The following PDS5B variants were observed in gnomAD, a reference collection of about 807,000 sequenced individuals.
The protein encoded by PDS5B is sister chromatid cohesion protein PDS5 homolog B.
In PDS5B, 51 loss-of-function variants were observed where a neutral mutation model predicts 184.1. The observed-to-expected ratio is 0.28, with a 90% CI of 0.22 to 0.35. The LOEUF is 0.35. Among genes scored for constraint, PDS5B ranks in the 10% least tolerant of loss-of-function variants. The pLI, the probability that PDS5B is intolerant of heterozygous loss-of-function variation, is 1.00. For missense variants in PDS5B, 1,180 were observed against 1,723.3 expected (o/e 0.68, Z 5.58); for synonymous variants, 566 against 569.2 (o/e 0.99, Z 0.08).
chr13:32,691,788 A>G (rs552815006), intron 13 of PDS5B, among the ~76,000 whole-genome samples: 4 of 152,232 alleles, frequency 2.6e-5, no homozygotes, highest in Admixed American at 2.6e-4. Flanking sequence ...ATTGTTTTCC[A>G]ACATGATTAT....
At position 32,760,683 on chromosome 13, in the gene PDS5B, A is replaced by T; in HGVS notation, c.3481A>T (p.Ser1161Cys). 1 of 1,614,124 alleles carries T rather than the reference A, an allele frequency of 6.2e-7. No homozygotes were observed. Among genetic ancestry groups the T allele is most frequent in the Non-Finnish European group, 8.5e-7 (1 of 1,179,978 alleles). ...GGAAACTGTAAGCAATGCAAGCAGC[A>T]GCTCAAATCCAAGCTCTCCTGGAAG... ...RMETVSNASSSSNPSSPGRIK... is the reference protein window; with the variant it reads ...RMETVSNASSCSNPSSPGRIK... The change falls in exon 30 of 35, where the codon AGC becomes TGC. Residue 1161 changes from serine (S) to cysteine (C), a missense_variant. Ser to Cys is a moderately radical substitution (Grantham distance 112, BLOSUM62 -1). This residue lies in a region of PDS5B where 465 missense variants were observed against 497.8 expected (regional missense o/e 0.93). Transcript: ENST00000315596.
At chr13:32,650,249 C>T (rs1049895659) in intron 2 of PDS5B, 2 of 152,162 alleles carry the variant, frequency 1.3e-5, no homozygotes, top group African/African-American at 2.4e-5. Flanking sequence ...TGCCTCAGTA[C>T]TCATATTTAA....
chr13:32,674,118 A>G (rs1951007608), intron 8 of PDS5B, among the ~76,000 whole-genome samples: 1 of 152,168 alleles, frequency 6.6e-6, no homozygotes, highest in Non-Finnish European at 1.5e-5. Context: ...TGACCGAGTG[A>G]AATTTTTTGG....
intron 19 of PDS5B, among the ~76,000 whole-genome samples, chr13:32,731,181 A>G (rs1953109452): frequency 6.6e-6 from 1 of 151,998 alleles, no homozygotes; most frequent in Non-Finnish European, 1.5e-5. Context: ...TCTTTTAATG[A>G]TACTTCACCT....
At position 32,755,904 on chromosome 13, in the gene PDS5B, G is replaced by T; in HGVS notation, c.3004G>T (p.Asp1002Tyr). 1.9e-6 allele frequency: 3 copies of T among 1,588,114 alleles called. No homozygotes were observed. The South Asian group carries it at 3.4e-5, about 18-fold the overall frequency. The change falls in exon 26 of 35, where the codon GAC (aspartate) becomes TAC (tyrosine). Residue 1002 changes from aspartate to tyrosine, a missense_variant. By Grantham distance (160) the Asp-to-Tyr change is radical. Coordinates refer to ENST00000315596, the MANE Select transcript of PDS5B (RefSeq NM_015032.4). The part of the protein sequence containing the change: ...VPYTIHLLAH[D>Y]PDYVKVQDIE... ...ATATACAATTCACCTTTTGGCACAT[G>T]ACCCAGATTATGTCAAAGTACAGGA...
At chr13:32,679,256 G>A (rs1387217671) in intron 10 of PDS5B, among the ~76,000 whole-genome samples, 2 of 152,084 alleles carry the variant, frequency 1.3e-5, no homozygotes, top group African/African-American at 4.8e-5. Context: ...GTCAAGACCT[G>A]TTCAAATCCA....
rs1216624268 is a variant in PDS5B, at chr13:32,760,632, C to A, written c.3430C>A (p.Gln1144Lys). 5 of 1,613,968 alleles carry A rather than the reference C, an allele frequency of 3.1e-6. No individual in the cohort carries two copies. The highest frequency in any genetic ancestry group is 1.7e-4 in the Middle Eastern group (1 of 6,058). ...VNKPLSSAGK[Q>K]SQTKSSRMET... ...CAAGCCACTTTCATCAGCAGGCAAG[C>A]AATCTCAGACCAAATCATCACGAAT... Residue 1144 changes from glutamine to lysine, a missense_variant, in exon 30 of 35, where the codon CAA (glutamine) becomes AAA (lysine). By Grantham distance (53) the Gln-to-Lys change is moderately conservative. This residue lies in a region of PDS5B where 465 missense variants were observed against 497.8 expected (regional missense o/e 0.93). Transcript: ENST00000315596.
chr13:32,609,840 C>T (rs939268075), intron 1 of PDS5B, among the ~76,000 whole-genome samples: 2 of 151,204 alleles, frequency 1.3e-5, no homozygotes, highest in African/African-American at 4.9e-5. Context: ...GGAAACATTC[C>T]TTCCTTGGGA....
intron 1 of PDS5B, among the ~76,000 whole-genome samples, chr13:32,638,012 G>T (rs1420057597): frequency 6.6e-6 from 1 of 152,162 alleles, no homozygotes; most frequent in Admixed American, 6.5e-5. Flanking sequence ...TTTAGCTGGG[G>T]TTGCTTATGC....
At chr13:32,741,702 T>TGTGTGTGTGC (rs1491364375) in intron 22 of PDS5B, among the ~76,000 whole-genome samples, 7 of 19,398 alleles carry the variant, frequency 3.6e-4, no homozygotes, top group Admixed American at 1.6e-3. Flanking sequence ...TTTCAGTCTG[T>TGTGTGTGTGC]GTGTGTGTGT....
chr13:32,770,327 T>G lies in PDS5B; in HGVS notation c.3831T>G (p.Asn1277Lys), dbSNP rs762184270. ...EKRLKEDILE[N>K]EDEQNSPPKK... ...GGCTCAAAGAAGATATATTAGAAAA[T>G]GAAGATGAACAGAATAGTCCGCCAA... is the stretch of plus-strand genomic sequence containing the variant. Residue 1277 changes from asparagine to lysine, a missense_variant, in exon 32 of 35, where the codon AAT becomes AAG. Around this residue, in one of 11 missense-constraint regions of PDS5B, gnomAD observed 465 missense variants for 497.8 expected, o/e 0.93. Coordinates refer to ENST00000315596, the MANE Select transcript of PDS5B (RefSeq NM_015032.4). The G allele has an allele frequency of 6.2e-7, 1 of 1,609,110 alleles. No individual in the cohort carries two copies. Among genetic ancestry groups the G allele is most frequent in the Admixed American group, 1.7e-5 (1 of 59,536 alleles).
intron 30 of PDS5B, among the ~76,000 whole-genome samples, chr13:32,763,848 G>A (rs931009103): frequency 9.9e-5 from 15 of 152,174 alleles, no homozygotes; most frequent in African/African-American, 3.4e-4. Flanking sequence ...AATTGGATAT[G>A]TGAGTTTAGA....
At chr13:32,614,446 TGC>T (rs1170838841) in intron 1 of PDS5B, among the ~76,000 whole-genome samples, 2 of 152,044 alleles carry the variant, frequency 1.3e-5, no homozygotes, top group South Asian at 4.1e-4. Flanking sequence ...TATAGGCACC[TGC>T]AACCATGCCT....
rs1954927415 is a variant in PDS5B at position 32,775,475 on chromosome 13, C to T, written c.*423C>T. The T allele has an allele frequency of 5.8e-6, 2 of 346,858 alleles. No individual in the cohort carries two copies. Among genetic ancestry groups the T allele is most frequent in the Non-Finnish European group, 1.1e-5 (2 of 177,552 alleles). 21.5% of individuals were successfully genotyped at this position (346,858 alleles called of 1,614,324 possible). On this transcript the variant is annotated 3_prime_UTR_variant, in exon 35 of 35. Coordinates refer to ENST00000315596, the MANE Select transcript of PDS5B (RefSeq NM_015032.4). ...ATCTGTCAGTGTTTGTATTTGTATT[C>T]TCTGCAATTTTACTGTGAAAAAAAA... is the stretch of plus-strand genomic sequence containing the variant.
intron 25 of PDS5B, 30 bp from the exon 26 acceptor site, chr13:32,755,812 T>TG (rs754454441): frequency 6.5e-6 from 7 of 1,076,296 alleles, no homozygotes; most frequent in Non-Finnish European, 9.5e-6. Context: ...TTTTGTTTTT[T>TG]TTTGTTTGTT....
chr13:32,611,506 T>TC (rs2058141752), intron 1 of PDS5B, among the ~76,000 whole-genome samples: 1 of 70,876 alleles, frequency 1.4e-5, no homozygotes, highest in Non-Finnish European at 3.7e-5. Flanking sequence ...GTTAAAACTT[T>TC]TTTTTTTTTT....
chr13:32,650,294 T>G (rs1950336607), intron 2 of PDS5B: 1 of 152,182 alleles, frequency 6.6e-6, no homozygotes, highest in Non-Finnish European at 1.5e-5. Context: ...TTGTAGACAT[T>G]TATGTCTAGC....
Position 32,760,789 on chromosome 13 carries a change from A to G in PDS5B, c.3518+69A>G. Reference sequence around the variant, plus strand: ...GCAAGGCTATGAGATCTGAAATAATATAATCCAAAATGTTTCATGTCAGTA... The same window carrying G: ...GCAAGGCTATGAGATCTGAAATAATGTAATCCAAAATGTTTCATGTCAGTA... On this transcript the variant is annotated intron_variant, in intron 30 of 34. Coordinates refer to ENST00000315596, the MANE Select transcript of PDS5B (RefSeq NM_015032.4). The G allele has an allele frequency of 5.8e-6, 8 of 1,387,040 alleles. No homozygotes were observed. The South Asian group carries it at 6.7e-5, about 12-fold the overall frequency. The allele number at this position is 1,387,040 out of a possible 1,614,324, so 85.9% of individuals were successfully genotyped here.
At chr13:32,756,529 A>T (rs78041619) in intron 26 of PDS5B, among the ~76,000 whole-genome samples, 5,791 of 152,290 alleles carry the variant, frequency 0.038, 342 homozygotes, top group African/African-American at 0.13. Context: ...GGGGAATAGG[A>T]ATATAGTGAT....
Sources: allele counts gnomAD v4.1 joint callset (sites outside exome capture counted in the v4.1 genomes callset), GRCh38; gene constraint gnomAD v4.1.1; regional missense constraint gnomAD v4.1.1; transcripts MANE v1.5; gene names NCBI Gene and HGNC (gene_info 2026-07-23, HGNC 2026-07-21).